Variants in MCC observed in about 807,000 individuals in gnomAD.
The protein encoded by MCC is colorectal mutant cancer protein.
MCC carries 90 observed loss-of-function variants against 116.2 expected under a neutral mutation model. That is an observed-to-expected ratio of 0.77 (90% confidence interval 0.65 to 0.92). The LOEUF (loss-of-function observed/expected upper bound fraction) is 0.92, where lower values mean the gene tolerates loss of function less well. Among genes scored for constraint, MCC ranks in the 40% least tolerant of loss-of-function variants. The pLI is 0.00. For missense variants in MCC, 1,516 were observed against 1,312.2 expected (o/e 1.16, Z -2.40); for synonymous variants, 578 against 510.5 (o/e 1.13, Z -1.78).
chr5:113,026,993 A>G lies in MCC; in HGVS notation c.*309T>C. The G allele has an allele frequency of 3.1e-6, 1 of 320,748 alleles. No homozygotes were observed. The highest frequency in any genetic ancestry group is 5.5e-5 in the East Asian group (1 of 18,320). 19.9% of individuals were successfully genotyped at this position (320,748 alleles called of 1,614,324 possible). Reference sequence around the variant, plus strand: ...GGGATCCCACTGATGCACAGCCGCCAGACCAGAAGAGGAGGGGGAGAGTGA... The same window carrying G: ...GGGATCCCACTGATGCACAGCCGCCGGACCAGAAGAGGAGGGGGAGAGTGA... On this transcript the variant is annotated 3_prime_UTR_variant, in exon 19 of 19. Transcript: ENST00000408903.
chr5:113,372,376 T>G (rs1214200404), intron 2 of MCC, among the ~76,000 whole-genome samples: 1 of 152,162 alleles, frequency 6.6e-6, no homozygotes, highest in Non-Finnish European at 1.5e-5. Context: ...TTAAAAGAAT[T>G]TAGACCACCA....
chr5:113,485,162 GCAC>G (rs1051254749), intron 1 of MCC, among the ~76,000 whole-genome samples: 6 of 152,098 alleles, frequency 3.9e-5, no homozygotes, highest in Admixed American at 3.9e-4. Context: ...AAAGCACAAA[GCAC>G]CACCCCTTAC....
chr5:113,181,538 A>G (rs71577439), intron 3 of MCC, among the ~76,000 whole-genome samples: 3 of 152,228 alleles, frequency 2.0e-5, no homozygotes, highest in Admixed American at 6.5e-5. Context: ...GAGATAATGC[A>G]CAATAATCTT....
intron 16 of MCC, among the ~76,000 whole-genome samples, chr5:113,047,198 G>A (rs777762490): frequency 6.6e-6 from 1 of 152,136 alleles, no homozygotes; most frequent in Non-Finnish European, 1.5e-5. Context: ...CTCGCACTGG[G>A]GACATTCTCT....
At chr5:113,389,757 T>C (rs1769359098) in intron 1 of MCC, among the ~76,000 whole-genome samples, 1 of 152,178 alleles carries the variant, frequency 6.6e-6, no homozygotes, top group Non-Finnish European at 1.5e-5. Context: ...GCAGACCCCA[T>C]CACATTTGTT....
At chr5:113,174,027 A>G (rs1359139571) in intron 3 of MCC, among the ~76,000 whole-genome samples, 1 of 152,200 alleles carries the variant, frequency 6.6e-6, no homozygotes, top group Non-Finnish European at 1.5e-5. Flanking sequence ...AGATGAACCA[A>G]AATCAACAGA....
At chr5:113,415,887 T>G (rs1770130584) in intron 1 of MCC, among the ~76,000 whole-genome samples, 1 of 152,196 alleles carries the variant, frequency 6.6e-6, no homozygotes, top group Non-Finnish European at 1.5e-5. Flanking sequence ...CTGCTCTGGT[T>G]TCTCCCCATC....
chr5:113,051,486 A>T (rs1358442404), intron 15 of MCC, among the ~76,000 whole-genome samples: 1 of 152,222 alleles, frequency 6.6e-6, no homozygotes, highest in African/African-American at 2.4e-5. Context: ...TGGGAGGTTG[A>T]CCTGGGTGGA....
chr5:113,451,266 C>A (rs1380754241), intron 1 of MCC, among the ~76,000 whole-genome samples: 1 of 152,156 alleles, frequency 6.6e-6, no homozygotes, highest in East Asian at 1.9e-4. Flanking sequence ...AACAAAAGGC[C>A]CTCAGATAAA....
At chr5:113,163,888 C>T (rs1760635928) in intron 3 of MCC, among the ~76,000 whole-genome samples, 1 of 152,156 alleles carries the variant, frequency 6.6e-6, no homozygotes, top group African/African-American at 2.4e-5. Context: ...TCCAAAAATA[C>T]ATGTACCAAA....
At chr5:113,417,628 G>A (rs957945097) in intron 1 of MCC, among the ~76,000 whole-genome samples, 23 of 152,180 alleles carry the variant, frequency 1.5e-4, no homozygotes, top group African/African-American at 5.1e-4. Flanking sequence ...ATGCACAGGT[G>A]TAAGGGACAA....
intron 1 of MCC, among the ~76,000 whole-genome samples, chr5:113,438,346 G>A (rs1484902034): frequency 1.3e-5 from 2 of 152,122 alleles, no homozygotes; most frequent in Admixed American, 6.5e-5. Flanking sequence ...CATCAGACAC[G>A]GGGCAGATAA....
At chr5:113,395,203 C>A (rs190566866) in intron 1 of MCC, among the ~76,000 whole-genome samples, 2 of 152,162 alleles carry the variant, frequency 1.3e-5, no homozygotes, top group East Asian at 3.9e-4. Flanking sequence ...GAAAAGAGAA[C>A]CTAAAACATG....
At position 113,165,735 on chromosome 5, in the gene MCC, C is replaced by T. The variant is rs184823502; in HGVS notation, c.628-14313G>A. Among the ~76,000 whole-genome samples, 531 of 152,270 alleles carry T rather than the reference C, an allele frequency of 3.5e-3. 6 individuals carry two copies. Among genetic ancestry groups the T allele is most frequent in the African/African-American group, 0.012 (511 of 41,548 alleles). On this transcript the variant is annotated intron_variant, in intron 3 of 18. Transcript: ENST00000408903. ...GCAGGAGCACCCGACCCAATGGCAC[C>T]GTCTTCCAACCTGTAACCACCCAAA...
chr5:113,423,917 A>G (rs73779003), intron 1 of MCC, among the ~76,000 whole-genome samples: 17,743 of 152,098 alleles, frequency 0.12, 1,813 homozygotes, highest in African/African-American at 0.28. Flanking sequence ...AGAATGGTAA[A>G]ACTGTTTTTC....
chr5:113,258,347 GT>G (rs1765096933), intron 3 of MCC, among the ~76,000 whole-genome samples: 1 of 152,196 alleles, frequency 6.6e-6, no homozygotes, highest in South Asian at 2.1e-4. Context: ...ATAACAGGGG[GT>G]CCCCAACCCC....
intron 3 of MCC, among the ~76,000 whole-genome samples, chr5:113,231,565 C>T (rs1431581153): frequency 2.0e-5 from 3 of 152,088 alleles, no homozygotes; most frequent in Non-Finnish European, 4.4e-5. Flanking sequence ...CACTTTGTTC[C>T]TACAGGCAAA....
chr5:113,072,974 C>T lies in MCC; in HGVS notation c.1785-1740G>A, dbSNP rs79465054. Among the ~76,000 whole-genome samples the T allele has an allele frequency of 4.5e-3, 680 of 152,292 alleles. 5 individuals carry two copies. Among genetic ancestry groups the T allele is most frequent in the African/African-American group, 0.015 (615 of 41,548 alleles). ...TCTCCATCTCAGTAAATGCCACCAC[C>T]GTCTACCCAACACTACATGCTAGAC... On this transcript the variant is annotated intron_variant, in intron 11 of 18. Transcript: ENST00000408903.
intron 3 of MCC, among the ~76,000 whole-genome samples, chr5:113,261,185 C>G (rs1231690978): frequency 2.0e-5 from 3 of 152,148 alleles, no homozygotes; most frequent in South Asian, 2.1e-4. Flanking sequence ...TAAACGTGCT[C>G]AAAACACTTG....
Sources: allele counts gnomAD v4.1 joint callset (sites outside exome capture counted in the v4.1 genomes callset), GRCh38; gene constraint gnomAD v4.1.1; transcripts MANE v1.5; gene names NCBI Gene and HGNC (gene_info 2026-07-23, HGNC 2026-07-21).